CHCHD6: variants seen among roughly 807,000 people sequenced by gnomAD.
CHCHD6 encodes coiled-coil-helix-coiled-coil-helix domain containing 6.
Under a neutral mutation model 32.3 loss-of-function variants are expected in CHCHD6, and 28 were observed. That is an observed-to-expected ratio of 0.87 (90% CI 0.64 to 1.19). The LOEUF is 1.19. Ranked by LOEUF, CHCHD6 falls within the 50% of genes most tolerant of loss-of-function variation. CHCHD6 has a pLI of 0.00. For missense variants in CHCHD6, 333 were observed against 307.0 expected (o/e 1.08, Z -0.63); for synonymous variants, 122 against 117.5 (o/e 1.04, Z -0.25).
chr3:126,924,084 AAC>A (rs2078290981), intron 6 of CHCHD6, among the ~76,000 whole-genome samples: 1 of 152,168 alleles, frequency 6.6e-6, no homozygotes, highest in Non-Finnish European at 1.5e-5. Flanking sequence ...GGCAATGCGT[AAC>A]ACAATTCCCC....
intron 4 of CHCHD6, among the ~76,000 whole-genome samples, chr3:126,734,398 G>A (rs914717009): frequency 1.3e-5 from 2 of 152,230 alleles, no homozygotes; most frequent in Non-Finnish European, 2.9e-5. Context: ...TACACACGGT[G>A]CTGTGTAGAA....
At position 126,865,066 on chromosome 3, in the gene CHCHD6, T is replaced by C. The variant is rs62263284; in HGVS notation, c.495+12336T>C. ...TTCATCACTACCTCCTCCTCCTCCT[T>C]TTCCACCACCTCCACTTCTTCCTCC... On this transcript the variant is annotated intron_variant, in intron 5 of 7. Transcript: ENST00000290913. Among the ~76,000 whole-genome samples, 351 of 39,010 alleles carry C rather than the reference T, an allele frequency of 9.0e-3. 2 individuals are homozygous for C. The highest frequency in any genetic ancestry group is 0.023 in the African/African-American group (323 of 13,938). 25.6% of individuals were successfully genotyped at this position (39,010 alleles called of 152,430 possible). A position where few individuals can be genotyped will look rare whatever the true frequency, so the allele number is the denominator to read the frequency against.
chr3:126,906,770 C>G (rs907804358), intron 5 of CHCHD6, among the ~76,000 whole-genome samples: 2 of 152,226 alleles, frequency 1.3e-5, no homozygotes, highest in African/African-American at 4.8e-5. Flanking sequence ...CTTCACCTCT[C>G]TTGGTTCCTG....
At chr3:126,870,151 TG>T (rs1325595071) in intron 5 of CHCHD6, among the ~76,000 whole-genome samples, 1 of 152,222 alleles carries the variant, frequency 6.6e-6, no homozygotes, top group Non-Finnish European at 1.5e-5. Context: ...ACTGGAGTGT[TG>T]CTAAGGGTTC....
At chr3:126,891,057 C>CCAGTA (rs2077751991) in intron 5 of CHCHD6, among the ~76,000 whole-genome samples, 1 of 152,162 alleles carries the variant, frequency 6.6e-6, no homozygotes, top group Non-Finnish European at 1.5e-5. Flanking sequence ...CAGGCACTGC[C>CCAGTA]CTGTGTGCTG....
At chr3:126,931,039 C>T (rs1404545293) in intron 6 of CHCHD6, among the ~76,000 whole-genome samples, 1 of 152,230 alleles carries the variant, frequency 6.6e-6, no homozygotes, top group Non-Finnish European at 1.5e-5. Flanking sequence ...AGACTGGCTG[C>T]CCTGTCATCA....
intron 6 of CHCHD6, among the ~76,000 whole-genome samples, chr3:126,915,977 G>GTTTCTACA (rs757784732): frequency 0.54 from 8,673 of 16,084 alleles, 774 homozygotes; most frequent in African/African-American, 0.55. Flanking sequence ...TTGTAGAGAT[G>GTTTCTACA]GGGTTCACCA....
chr3:126,721,807 T>C (rs1166711518), intron 1 of CHCHD6, among the ~76,000 whole-genome samples: 1 of 149,276 alleles, frequency 6.7e-6, no homozygotes. Context: ...GAATCTACTT[T>C]TGTGTCTAGA....
chr3:126,831,918 G>A (rs1940661036), intron 4 of CHCHD6, among the ~76,000 whole-genome samples: 1 of 152,216 alleles, frequency 6.6e-6, no homozygotes, highest in African/African-American at 2.4e-5. Context: ...AACTCAGTGG[G>A]TGTGGTAGCT....
At chr3:126,792,850 A>G (rs1005351866) in intron 4 of CHCHD6, among the ~76,000 whole-genome samples, 5 of 152,128 alleles carry the variant, frequency 3.3e-5, no homozygotes, top group African/African-American at 1.2e-4. Context: ...GAAGTCCTCA[A>G]CTATTTTTGT....
intron 4 of CHCHD6, among the ~76,000 whole-genome samples, chr3:126,842,881 G>C (rs1218439496): frequency 7.5e-6 from 1 of 133,466 alleles, no homozygotes; most frequent in South Asian, 2.3e-4. Flanking sequence ...CCATTCCTCT[G>C]TAAAAGAATG....
intron 4 of CHCHD6, among the ~76,000 whole-genome samples, chr3:126,772,068 C>T (rs778936544): frequency 2.0e-5 from 3 of 152,248 alleles, no homozygotes; most frequent in Non-Finnish European, 4.4e-5. Flanking sequence ...TTGAAATCTA[C>T]ACCTACTATT....
At position 126,871,950 on chromosome 3, in the gene CHCHD6, C is replaced by T. The variant is rs575428096; in HGVS notation, c.495+19220C>T. On this transcript the variant is annotated intron_variant, in intron 5 of 7. Coordinates refer to ENST00000290913, the MANE Select transcript of CHCHD6 (RefSeq NM_032343.3). The stretch of plus-strand genomic sequence containing the variant: ...AAAGTGCTGGGATCACAGGCATGAA[C>T]CACCGTGCCTGGACTCCTCTTCCCC... Among the ~76,000 whole-genome samples the T allele has an allele frequency of 7.3e-4, 111 of 152,274 alleles. 1 individual carries two copies. Among genetic ancestry groups the T allele is most frequent in the Middle Eastern group, 6.8e-3 (2 of 294 alleles).
At chr3:126,723,271 A>C (rs543428991) in intron 1 of CHCHD6, among the ~76,000 whole-genome samples, 58 of 152,240 alleles carry the variant, frequency 3.8e-4, no homozygotes, top group Admixed American at 8.5e-4. Context: ...TTACTAAGGA[A>C]ATGTTCATGG....
intron 4 of CHCHD6, among the ~76,000 whole-genome samples, chr3:126,820,288 G>A (rs149937507): frequency 6.6e-6 from 1 of 152,266 alleles, no homozygotes; most frequent in African/African-American, 2.4e-5. Flanking sequence ...TTACATAGGT[G>A]TAATCACAGC....
At chr3:126,844,794 T>G (rs990217916) in intron 4 of CHCHD6, among the ~76,000 whole-genome samples, 5 of 152,102 alleles carry the variant, frequency 3.3e-5, no homozygotes, top group African/African-American at 1.2e-4. Flanking sequence ...GGTTATCCTT[T>G]GTTATCCAGG....
At chr3:126,788,221 G>A (rs1938327544) in intron 4 of CHCHD6, among the ~76,000 whole-genome samples, 2 of 152,150 alleles carry the variant, frequency 1.3e-5, no homozygotes, top group South Asian at 2.1e-4. Flanking sequence ...TCTGGATTTC[G>A]TTTGCCAGTA....
intron 4 of CHCHD6, among the ~76,000 whole-genome samples, chr3:126,791,507 C>G (rs779088362): frequency 1.3e-5 from 2 of 152,276 alleles, no homozygotes; most frequent in Non-Finnish European, 2.9e-5. Flanking sequence ...TTTACCTACT[C>G]AAGCCTCAGC....
intron 5 of CHCHD6, among the ~76,000 whole-genome samples, chr3:126,864,067 T>C (rs1942125661): frequency 7.5e-6 from 1 of 133,680 alleles, no homozygotes; most frequent in African/African-American, 2.9e-5. Context: ...CACCTCCTCT[T>C]CCCCCACAAT....
Sources: gnomAD v4.1 joint callset for allele counts (sites outside exome capture counted in the v4.1 genomes callset) on GRCh38, gnomAD v4.1.1 for gene constraint, MANE v1.5 for transcripts, NCBI Gene and HGNC (gene_info 2026-07-23, HGNC 2026-07-21) for gene names.